Variants in KIF20B observed in about 807,000 individuals in gnomAD.
KIF20B encodes the protein kinesin-like protein KIF20B.
KIF20B carries 188 observed loss-of-function variants against 232.5 expected under a neutral mutation model. The ratio of observed to expected loss-of-function variants is 0.81; its 90% CI spans 0.72 to 0.91. The LOEUF is 0.91. Ranked by LOEUF, KIF20B falls within the 40% of genes least tolerant of loss-of-function variation. The probability of loss-of-function intolerance (pLI) is 0.00; values close to 1 mark genes in which losing one functional copy is unlikely to be tolerated. For synonymous variants in KIF20B, 712 were observed against 683.0 expected, an observed-to-expected ratio of 1.04 and a Z score of -0.66; for missense variants, 2,154 against 2,055.9, an observed-to-expected ratio of 1.05 and a Z score of -0.92.
chr10:89,732,865 TTC>T (rs1843357322), intron 18 of KIF20B, 36 bp from the exon 19 acceptor site: 2 of 1,464,904 alleles, frequency 1.4e-6, no homozygotes, highest in Non-Finnish European at 1.8e-6. Context: ...TTTTGTAGCT[TTC>T]TATATGTGAA....
chr10:89,714,368 A>C (rs1842894807), intron 7 of KIF20B, among the ~76,000 whole-genome samples: 1 of 152,040 alleles, frequency 6.6e-6, no homozygotes, highest in African/African-American at 2.4e-5. Flanking sequence ...AGTCCTAGCT[A>C]CCTGGGAGGC....
At position 89,729,213 on chromosome 10, in the gene KIF20B, T is replaced by C; in HGVS notation, c.2357T>C (p.Leu786Pro). The C allele has an allele frequency of 2.0e-6, 3 of 1,495,650 alleles. No homozygotes were observed. Among genetic ancestry groups the C allele is most frequent in the Non-Finnish European group, 2.7e-6 (3 of 1,112,378 alleles). 92.6% of individuals were successfully genotyped at this position (1,495,650 alleles called of 1,614,324 possible). The change falls in exon 18 of 33, where the codon CTA becomes CCA. Residue 786 changes from leucine to proline, a missense_variant. Coordinates refer to ENST00000371728, the MANE Select transcript of KIF20B (RefSeq NM_001284259.2). ...GATACTATCAACGAATTTCAGAACC[T>C]AAAGTCTCATATGGAAAACACATTT... ...KEDTINEFQN[L>P]KSHMENTFKC... is the part of the protein sequence containing the mutation.
Position 89,773,964 on chromosome 10 carries a change from A to C in KIF20B, c.5386-7A>C, listed in dbSNP as rs761267876. Reference sequence around the variant, plus strand: ...GCTTTGAAAAACTATGAAATTTTTAATTTCAGATTTTAATGGACCAGAAAA... The same window carrying C: ...GCTTTGAAAAACTATGAAATTTTTACTTTCAGATTTTAATGGACCAGAAAA... On this transcript the variant is annotated splice_polypyrimidine_tract_variant and splice_region_variant and intron_variant, in intron 32 of 32. Transcript: ENST00000371728. The C allele has an allele frequency of 1.3e-6, 2 of 1,528,470 alleles. No homozygotes were observed. Among genetic ancestry groups the C allele is most frequent in the South Asian group, 2.6e-5 (2 of 75,874 alleles). The allele number at this position is 1,528,470 out of a possible 1,614,324, so 94.7% of individuals were successfully genotyped here.
At chr10:89,714,136 T>A in intron 7 of KIF20B, 53 bp downstream of exon 7, 1 of 989,988 alleles carries the variant, frequency 1.0e-6, no homozygotes, top group Non-Finnish European at 1.5e-6. Context: ...TGAAGTACAC[T>A]TGAAAAGCTT....
chr10:89,728,905 T>TTGTGTGTG (rs71022581), intron 17 of KIF20B, among the ~76,000 whole-genome samples: 10,014 of 137,830 alleles, frequency 0.073, 409 homozygotes, highest in Non-Finnish European at 0.097. Context: ...TCTTTTTTCT[T>TTGTGTGTG]TGTGTGTGTG....
chr10:89,765,622 C>T (rs1418209388), intron 29 of KIF20B, among the ~76,000 whole-genome samples: 2 of 152,108 alleles, frequency 1.3e-5, no homozygotes, highest in Non-Finnish European at 2.9e-5. Context: ...ATCACGCTAC[C>T]TGACTTAACT....
intron 28 of KIF20B, among the ~76,000 whole-genome samples, chr10:89,761,066 T>C (rs544727198): frequency 6.6e-6 from 1 of 152,304 alleles, no homozygotes; most frequent in East Asian, 1.9e-4. Flanking sequence ...TGAATAACTT[T>C]GGATAATATA....
At position 89,758,814 on chromosome 10, in the gene KIF20B, T is replaced by C. The variant is rs1400709679; in HGVS notation, c.4612T>C (p.Ser1538Pro). The C allele has an allele frequency of 1.9e-6, 3 of 1,606,066 alleles. No individual in the cohort carries two copies. The highest frequency in any genetic ancestry group is 2.3e-5 in the East Asian group (1 of 44,360). ...ALEIQLKALI[S>P]SNVQKDNEIE... is the part of the protein sequence containing the mutation. ...AGAAATACAGCTAAAAGCACTGATA[T>C]CCAGTAATGTACAGAAAGATAATGA... Residue 1538 changes from serine to proline, a missense_variant, in exon 27 of 33, where the codon TCC (serine) becomes CCC (proline). Physicochemically the swap from Ser to Pro is moderately conservative, Grantham distance 74 (BLOSUM62 -1). Coordinates refer to ENST00000371728, the MANE Select transcript of KIF20B (RefSeq NM_001284259.2).
intron 21 of KIF20B, among the ~76,000 whole-genome samples, chr10:89,741,720 C>G (rs2418929): frequency 0.18 from 28,120 of 152,078 alleles, 3,134 homozygotes; most frequent in East Asian, 0.35. Flanking sequence ...GCTGAAAATA[C>G]TAAATAGAAA....
At chr10:89,723,850 G>T in intron 13 of KIF20B, 114 bp from the exon 14 acceptor site, 4 of 854,234 alleles carry the variant, frequency 4.7e-6, no homozygotes, top group Non-Finnish European at 6.4e-6. Flanking sequence ...TATTAAAAAG[G>T]ACACAGAATT....
chr10:89,745,558 CATA>C (rs2133141350), intron 22 of KIF20B, among the ~76,000 whole-genome samples: 1 of 148,630 alleles, frequency 6.7e-6, no homozygotes, highest in South Asian at 2.2e-4. Flanking sequence ...TAAATAAAGA[CATA>C]TAAAGTGTTT....
chr10:89,743,647 A>G (rs1359262746), intron 21 of KIF20B, among the ~76,000 whole-genome samples, 161 bp from the exon 22 acceptor site: 1 of 152,206 alleles, frequency 6.6e-6, no homozygotes, highest in Admixed American at 6.5e-5. Flanking sequence ...AATAATTTGA[A>G]GCTATAGTGT....
intron 19 of KIF20B, 91 bp downstream of exon 19, chr10:89,733,147 T>G (rs1427324054): frequency 1.5e-6 from 2 of 1,321,844 alleles, no homozygotes; most frequent in South Asian, 2.6e-5. Context: ...CATTCACTTG[T>G]CTAAGGAAAA....
At position 89,737,787 on chromosome 10, in the gene KIF20B, A is replaced by G. The variant is rs1378934225; in HGVS notation, c.2946A>G (p.Ile982Met). Residue 982 changes from isoleucine (I) to methionine (M), a missense_variant, in exon 20 of 33, where the codon ATA (isoleucine) becomes ATG (methionine). By Grantham distance (10) the Ile-to-Met change is conservative (BLOSUM62 1). Coordinates refer to ENST00000371728, the MANE Select transcript of KIF20B (RefSeq NM_001284259.2). ...TRSITNNVSQ[I>M]KLMHTKIDEL... ...GCATTACAAATAATGTTTCACAAAT[A>G]AAATTAATGCACACGAAAATAGACG... 1 of 1,612,746 alleles carries G rather than the reference A, an allele frequency of 6.2e-7. No homozygotes were observed. The highest frequency in any genetic ancestry group is 1.1e-5 in the South Asian group (1 of 90,892).
intron 19 of KIF20B, among the ~76,000 whole-genome samples, chr10:89,736,296 G>A (rs1841650479): frequency 6.6e-6 from 1 of 152,092 alleles, no homozygotes; most frequent in Non-Finnish European, 1.5e-5. Context: ...AAAAAGATAT[G>A]TAGATATAAA....
intron 13 of KIF20B, among the ~76,000 whole-genome samples, chr10:89,721,001 C>G (rs950023905): frequency 6.6e-6 from 1 of 152,178 alleles, no homozygotes; most frequent in African/African-American, 2.4e-5. Flanking sequence ...GCCACCTTAC[C>G]TGGCCACCTA....
rs1272917739 is a variant in KIF20B at position 89,718,719 on chromosome 10, G to A, written c.1281G>A (p.Gln427=). Residue 427 remains glutamine, a synonymous_variant, in exon 12 of 33, where the codon CAG becomes CAA. Transcript: ENST00000371728. ...LKNSEKSKFQ[Q]HVPFRESKLT... ...AAAATTTTTTCTGTAGGTTTCAACA[G>A]CATGTGCCTTTCCGGGAAAGTAAAC... is the stretch of plus-strand genomic sequence containing the variant. 2 of 1,607,514 alleles carry A rather than the reference G, an allele frequency of 1.2e-6. No individual in the cohort carries two copies. Among genetic ancestry groups the A allele is most frequent in the Non-Finnish European group, 1.7e-6 (2 of 1,178,190 alleles).
intron 6 of KIF20B, among the ~76,000 whole-genome samples, chr10:89,711,626 T>C (rs983591137): frequency 1.3e-5 from 2 of 152,122 alleles, no homozygotes; most frequent in South Asian, 2.1e-4. Context: ...ACAAACATGG[T>C]CATATATATG....
chr10:89,729,740 T>G (rs1053380877), intron 18 of KIF20B, among the ~76,000 whole-genome samples: 1 of 152,234 alleles, frequency 6.6e-6, no homozygotes, highest in African/African-American at 2.4e-5. Context: ...ATGTAAAGAC[T>G]TAAAGGGTTG....
Sources: allele counts gnomAD v4.1 joint callset (sites outside exome capture counted in the v4.1 genomes callset), GRCh38; gene constraint gnomAD v4.1.1; transcripts MANE v1.5; gene names NCBI Gene and HGNC (gene_info 2026-07-23, HGNC 2026-07-21).